ATP6V0A4: variants seen among roughly 807,000 people sequenced by gnomAD.
The protein encoded by ATP6V0A4 is ATPase H+ transporting V0 subunit a4.
In ATP6V0A4, 86 loss-of-function variants were observed where a neutral mutation model predicts 107.3. The ratio of observed to expected loss-of-function variants is 0.80; its 90% CI spans 0.67 to 0.96. The LOEUF (loss-of-function observed/expected upper bound fraction) is 0.96, where lower values mean the gene tolerates loss of function less well. Ranked by LOEUF, ATP6V0A4 falls within the 40% of genes least tolerant of loss-of-function variation. ATP6V0A4 has a pLI of 0.00. For synonymous variants in ATP6V0A4, 353 were observed against 381.4 expected (o/e 0.93, Z 0.87); for missense variants, 908 against 1,045.6 (o/e 0.87, Z 1.81).
chr7:138,745,978 T>TATATATATATATAA (rs1367872235), intron 13 of ATP6V0A4, among the ~76,000 whole-genome samples: 10 of 122,872 alleles, frequency 8.1e-5, no homozygotes, highest in African/African-American at 2.9e-4. Context: ...TATATATATA[T>TATATATATATATAA]AAAATATATA....
At position 138,779,361 on chromosome 7, in the gene ATP6V0A4, T is replaced by TA. The variant is rs1257357353; in HGVS notation, c.-18+6796dup. Reference sequence around the variant, plus strand: ...AGACCCTATCTTAAAAAAAAATAAATAAATAAAAGATTGTAATATTGGTGG... The same window carrying TA: ...AGACCCTATCTTAAAAAAAAATAAATAAAATAAAAGATTGTAATATTGGTGG... On this transcript the variant is annotated intron_variant, in intron 2 of 21. Coordinates refer to ENST00000310018, the MANE Select transcript of ATP6V0A4 (RefSeq NM_020632.3). Among the ~76,000 whole-genome samples the TA allele has an allele frequency of 8.9e-5, 8 of 89,528 alleles. No individual in the cohort carries two copies. The South Asian group carries it at 1.0e-3, about 12-fold the overall frequency. The allele number at this position is 89,528 out of a possible 152,430, so 58.7% of individuals were successfully genotyped here. A position where few individuals can be genotyped will look rare whatever the true frequency, so the allele number is the denominator to read the frequency against.
intron 5 of ATP6V0A4, among the ~76,000 whole-genome samples, chr7:138,767,805 T>C (rs909529519): frequency 1.4e-4 from 22 of 152,118 alleles, no homozygotes; most frequent in African/African-American, 4.6e-4. Context: ...GCCTACCTCT[T>C]CACTTCCTCT....
At chr7:138,790,451 G>A (rs1808359760) in intron 1 of ATP6V0A4, among the ~76,000 whole-genome samples, 1 of 151,930 alleles carries the variant, frequency 6.6e-6, no homozygotes. Context: ...CATACCACCA[G>A]GACTGGCTAA....
chr7:138,723,055 C>CGAA (rs1554390955), intron 18 of ATP6V0A4, among the ~76,000 whole-genome samples: 1 of 122,416 alleles, frequency 8.2e-6, no homozygotes, highest in Admixed American at 8.8e-5. Context: ...GAGACTGTCT[C>CGAA]AAAAAAAAAA....
At chr7:138,707,094 A>G (rs866968481) in intron 21 of ATP6V0A4, among the ~76,000 whole-genome samples, 1,309 of 44,906 alleles carry the variant, frequency 0.029, 61 homozygotes, top group African/African-American at 0.17. Context: ...GTGTGTGTGT[A>G]TAATATATCA....
intron 19 of ATP6V0A4, among the ~76,000 whole-genome samples, chr7:138,719,931 G>A (rs540142376): frequency 5.1e-4 from 78 of 152,034 alleles, no homozygotes; most frequent in African/African-American, 1.8e-3. Flanking sequence ...AGGCTGAGGC[G>A]GGAGAATTGC....
chr7:138,746,887 G>C (rs1805978934), intron 13 of ATP6V0A4, among the ~76,000 whole-genome samples: 1 of 152,266 alleles, frequency 6.6e-6, no homozygotes, highest in Middle Eastern at 3.4e-3. Flanking sequence ...ACTTAAGAGT[G>C]GGGAAACGAT....
In ATP6V0A4 at chr7:138,760,584, T is replaced by C. The variant is rs796231939; in HGVS notation, c.513-706A>G. Among the ~76,000 whole-genome samples the C allele has an allele frequency of 9.9e-5, 15 of 152,210 alleles. 1 individual carries two copies. Among genetic ancestry groups the C allele is most frequent in the African/African-American group, 2.9e-4 (12 of 41,536 alleles). On this transcript the variant is annotated intron_variant, in intron 7 of 21. Transcript: ENST00000310018. The stretch of plus-strand genomic sequence containing the variant: ...AGAGGGAAAAATACATTGATGTCTA[T>C]ATATATCTGTTTTTTCCATTATCCA...
At chr7:138,755,964 T>C (rs1373510396) in intron 9 of ATP6V0A4, 182 bp from the exon 10 acceptor site, 3 of 1,074,184 alleles carry the variant, frequency 2.8e-6, no homozygotes, top group African/African-American at 3.1e-5. Flanking sequence ...ACGTCACTTG[T>C]GCTGTGAATT....
Position 138,709,731 on chromosome 7 carries a change from T to G in ATP6V0A4, c.2322A>C (p.Gly774=). 6.2e-7 allele frequency: 1 copy of G among 1,613,914 alleles called. No individual in the cohort carries two copies. Among genetic ancestry groups the G allele is most frequent in the Non-Finnish European group, 8.5e-7 (1 of 1,179,966 alleles). Residue 774 remains glycine, a synonymous_variant, in exon 21 of 22, where the codon GGA becomes GGC. Coordinates refer to ENST00000310018, the MANE Select transcript of ATP6V0A4 (RefSeq NM_020632.3). ...NSGLQTRGWG[G]IVGVFIIFAV... is the part of the protein sequence containing the mutation. Reference sequence around the variant, plus strand: ...CAAAAATAATAAAAACCCCGACGATTCCTCCCCAGCCTCGCGTCTGAAGGC... The same window carrying G: ...CAAAAATAATAAAAACCCCGACGATGCCTCCCCAGCCTCGCGTCTGAAGGC...
intron 1 of ATP6V0A4, among the ~76,000 whole-genome samples, chr7:138,789,429 G>A (rs909110809): frequency 4.0e-5 from 6 of 151,550 alleles, no homozygotes; most frequent in Admixed American, 2.0e-4. Context: ...TGTATTTTTA[G>A]TAGAGATGGG....
intron 2 of ATP6V0A4, among the ~76,000 whole-genome samples, chr7:138,778,958 T>C (rs1006388081): frequency 6.6e-6 from 1 of 152,106 alleles, no homozygotes; most frequent in African/African-American, 2.4e-5. Flanking sequence ...GCCCCGGTGG[T>C]AGCAGCAGAG....
At chr7:138,754,175 G>T (rs777532890) in intron 10 of ATP6V0A4, among the ~76,000 whole-genome samples, 13 of 152,098 alleles carry the variant, frequency 8.5e-5, no homozygotes, top group Non-Finnish European at 1.5e-4. Flanking sequence ...CAGGCCAGGC[G>T]CAGTGGCTCA....
chr7:138,769,059 C>T, intron 4 of ATP6V0A4, 114 bp downstream of exon 4: 2 of 1,583,588 alleles, frequency 1.3e-6, no homozygotes, highest in South Asian at 1.1e-5. Flanking sequence ...TCTGGGACCA[C>T]CTCAAAAAGT....
At chr7:138,708,417 T>C (rs1002673048) in intron 21 of ATP6V0A4, among the ~76,000 whole-genome samples, 1 of 152,254 alleles carries the variant, frequency 6.6e-6, no homozygotes, top group Non-Finnish European at 1.5e-5. Context: ...GACGTCATCA[T>C]GGAGGCAGGG....
chr7:138,730,613 A>G (rs1464078836), intron 17 of ATP6V0A4, among the ~76,000 whole-genome samples: 3 of 152,238 alleles, frequency 2.0e-5, no homozygotes, highest in African/African-American at 7.2e-5. Flanking sequence ...TGCAATGCTC[A>G]GTGCTTATTC....
At chr7:138,748,009 G>C (rs965622039) in intron 12 of ATP6V0A4, among the ~76,000 whole-genome samples, 28 of 151,956 alleles carry the variant, frequency 1.8e-4, no homozygotes, top group African/African-American at 6.8e-4. Flanking sequence ...TCCCACCTCG[G>C]CCTCCCAAAG....
In ATP6V0A4 at chr7:138,715,748, T is replaced by TGGGCTGCTCACTCACGTGCATGAGCGGGG. The variant is rs549932861; in HGVS notation, c.2257+15_2257+16insCCCCGCTCATGCACGTGAGTGAGCAGCCC. On this transcript the variant is annotated intron_variant, in intron 20 of 21. Transcript: ENST00000310018. Reference sequence around the variant, plus strand: ...TGGGGAGAGCTGACTGTCCCCCCGATGGGCTGCTCACTCACGTGCATGAGC... The same window carrying TGGGCTGCTCACTCACGTGCATGAGCGGGG: ...TGGGGAGAGCTGACTGTCCCCCCGATGGGCTGCTCACTCACGTGCATGAGCGGGGGGGCTGCTCACTCACGTGCATGAGC... 1.5e-3 allele frequency: 2,409 copies of TGGGCTGCTCACTCACGTGCATGAGCGGGG among 1,612,874 alleles called. 36 individuals are homozygous for TGGGCTGCTCACTCACGTGCATGAGCGGGG. The South Asian group carries it at 0.025, about 17-fold the overall frequency.
chr7:138,788,834 G>A (rs972915249), intron 1 of ATP6V0A4, among the ~76,000 whole-genome samples: 1 of 152,210 alleles, frequency 6.6e-6, no homozygotes, highest in Non-Finnish European at 1.5e-5. Flanking sequence ...CACCATGTAA[G>A]ATGTGCCTTT....
Sources: allele counts gnomAD v4.1 joint callset (sites outside exome capture counted in the v4.1 genomes callset), GRCh38; gene constraint gnomAD v4.1.1; transcripts MANE v1.5; gene names NCBI Gene and HGNC (gene_info 2026-07-23, HGNC 2026-07-21).